The following SMCO2 variants were observed in gnomAD, a reference collection of about 807,000 sequenced individuals.
The protein encoded by SMCO2 is single-pass membrane protein with coiled-coil domains 2.
A neutral mutation model predicts 29.5 loss-of-function variants in SMCO2; 25 were observed. That is an observed-to-expected ratio of 0.85 (90% CI 0.62 to 1.18). The LOEUF (loss-of-function observed/expected upper bound fraction) is 1.18. SMCO2 is among the 50% of genes most tolerant of loss of function. The pLI, the probability that SMCO2 is intolerant of heterozygous loss-of-function variation, is 0.00. For missense variants in SMCO2, 348 were observed against 344.5 expected, an observed-to-expected ratio of 1.01 and a Z score of -0.08; for synonymous variants, 117 against 123.3, an observed-to-expected ratio of 0.95 and a Z score of 0.34.
upstream of SMCO2, among the ~76,000 whole-genome samples, chr12:27,465,239 G>T (rs957972286): frequency 6.6e-6 from 1 of 152,048 alleles, no homozygotes; most frequent in African/African-American, 2.4e-5. Flanking sequence ...ATTAAATTAG[G>T]TAATATATGT....
At chr12:27,432,357 T>C in the SMCO2 span, among the ~76,000 whole-genome samples, 2 of 152,158 alleles carry the variant, frequency 1.3e-5, no homozygotes, top group Admixed American at 6.5e-5. Flanking sequence ...GTACTTATTT[T>C]GGAAAAAAAA....
At chr12:27,450,766 T>C in the SMCO2 span, among the ~76,000 whole-genome samples, 1 of 152,248 alleles carries the variant, frequency 6.6e-6, no homozygotes, top group South Asian at 2.1e-4. Context: ...GCCTGTCTCA[T>C]AAAATTAAAT....
rs1410905384 is a variant in SMCO2 at position 27,495,578 on chromosome 12, G to A, written c.508-102G>A. The A allele has an allele frequency of 8.0e-6, 9 of 1,120,172 alleles. No individual in the cohort carries two copies. In the East Asian group the frequency reaches 2.1e-4, roughly 26 times the overall value. The allele number at this position is 1,120,172 out of a possible 1,614,324, so 69.4% of individuals were successfully genotyped here. A position where few individuals can be genotyped will look rare whatever the true frequency, so the allele number is the denominator to read the frequency against. On this transcript the variant is annotated intron_variant, in intron 6 of 7. Coordinates refer to ENST00000298876, the Ensembl canonical transcript of SMCO2. ...GACCTATGTGTGATTTCTAATGTGG[G>A]CCCCCAAGGTGATCCAGAGGAAAAG... is the stretch of plus-strand genomic sequence containing the variant.
intron 5 of SMCO2, among the ~76,000 whole-genome samples, chr12:27,491,522 A>G (rs1239162203): frequency 2.0e-5 from 3 of 152,178 alleles, no homozygotes; most frequent in Non-Finnish European, 4.4e-5. Flanking sequence ...CACCCAATTC[A>G]GGGATTGATG....
At chr12:27,427,893 G>A in the SMCO2 span, among the ~76,000 whole-genome samples, 7 of 152,214 alleles carry the variant, frequency 4.6e-5, no homozygotes, top group Admixed American at 2.6e-4. Context: ...GTTTGAAGGT[G>A]AGAGTTTGTT....
At chr12:27,426,611 A>C in the SMCO2 span, among the ~76,000 whole-genome samples, 1 of 152,200 alleles carries the variant, frequency 6.6e-6, no homozygotes, top group Non-Finnish European at 1.5e-5. Flanking sequence ...TTAATTTATA[A>C]GCTCTACAGT....
chr12:27,456,776 C>T, the SMCO2 span, among the ~76,000 whole-genome samples: 1 of 152,132 alleles, frequency 6.6e-6, no homozygotes, highest in Non-Finnish European at 1.5e-5. Flanking sequence ...TCCCAACCCC[C>T]AGGCTGTGGA....
chr12:27,495,777 C>A (rs3751223), exon 7 of SMCO2: 6 of 1,539,378 alleles, frequency 3.9e-6, no homozygotes, highest in Non-Finnish European at 5.3e-6. Flanking sequence ...GAAATAGATA[C>A]GGAAGAGATG....
the SMCO2 span, among the ~76,000 whole-genome samples, chr12:27,456,423 A>G: frequency 2.0e-5 from 3 of 152,106 alleles, no homozygotes; most frequent in African/African-American, 4.8e-5. Context: ...AATTCTTACA[A>G]TGAAAAACTG....
At chr12:27,453,832 C>A in the SMCO2 span, among the ~76,000 whole-genome samples, 1 of 152,166 alleles carries the variant, frequency 6.6e-6, no homozygotes, top group Non-Finnish European at 1.5e-5. Flanking sequence ...ACATTGTTTT[C>A]CTAATTATAA....
exon 7 of SMCO2, chr12:27,495,838 T>A (rs1048252441): frequency 1.3e-6 from 2 of 1,522,120 alleles, no homozygotes; most frequent in Non-Finnish European, 1.8e-6. Context: ...AGAAGTCTCC[T>A]CCCCGCAATA....
At position 27,468,625 on chromosome 12, in the gene SMCO2, A is replaced by G. The variant is rs968515054; in HGVS notation, c.-11+1650A>G. On this transcript the variant is annotated intron_variant, in intron 1 of 7. Transcript: ENST00000298876. ...CATGTGGCTAGTAGCTACTGTATCA[A>G]ATAGTGTAGAGAACATTTTCATCAA... is the stretch of plus-strand genomic sequence containing the variant. 3.9e-5 allele frequency among the ~76,000 whole-genome samples: 6 copies of G among 152,218 alleles called. 1 individual carries two copies. The highest frequency in any genetic ancestry group is 1.3e-4 in the Admixed American group (2 of 15,286).
At chr12:27,500,421 A>C (rs1331581457) in intron 7 of SMCO2, among the ~76,000 whole-genome samples, 6 of 150,682 alleles carry the variant, frequency 4.0e-5, no homozygotes, top group Admixed American at 1.3e-4. Flanking sequence ...GAAAGGAAAA[A>C]AGATAAAAAA....
At chr12:27,433,396 T>C in the SMCO2 span, among the ~76,000 whole-genome samples, 3 of 152,112 alleles carry the variant, frequency 2.0e-5, no homozygotes, top group Non-Finnish European at 4.4e-5. Flanking sequence ...TCCAAACTTA[T>C]ATAAATAGAA....
the SMCO2 span, among the ~76,000 whole-genome samples, chr12:27,439,202 A>G: frequency 6.6e-6 from 1 of 152,144 alleles, no homozygotes; most frequent in Non-Finnish European, 1.5e-5. Context: ...AACTTGGCCA[A>G]AGGAGACACC....
chr12:27,469,859 G>A (rs532714561), intron 1 of SMCO2, among the ~76,000 whole-genome samples: 233 of 152,092 alleles, frequency 1.5e-3, no homozygotes, highest in African/African-American at 5.3e-3. Flanking sequence ...GCGAACACCC[G>A]CCTATCAGAC....
intron 3 of SMCO2, 138 bp from the exon 4 acceptor site, chr12:27,474,648 A>T (rs1949569018): frequency 3.3e-6 from 3 of 909,504 alleles, no homozygotes; most frequent in East Asian, 2.7e-5. Flanking sequence ...CTTAGCTTAC[A>T]GATGCATCAG....
At chr12:27,425,335 A>G in the SMCO2 span, 1 of 152,148 alleles carries the variant, frequency 6.6e-6, no homozygotes, top group Non-Finnish European at 1.5e-5. Context: ...TAAGGAAACC[A>G]TCCAGTGCCC....
At chr12:27,472,196 C>T (rs956979687) in intron 2 of SMCO2, among the ~76,000 whole-genome samples, 1 of 152,120 alleles carries the variant, frequency 6.6e-6, no homozygotes, top group African/African-American at 2.4e-5. Flanking sequence ...TTGATGTATA[C>T]ACAGAATGGA....
Sources: allele counts gnomAD v4.1 joint callset (sites outside exome capture counted in the v4.1 genomes callset), GRCh38; gene constraint gnomAD v4.1.1; transcripts MANE v1.5; gene names NCBI Gene and HGNC (gene_info 2026-07-23, HGNC 2026-07-21).